Variants in BRD3 observed in about 807,000 individuals in gnomAD.
BRD3 encodes the protein bromodomain-containing protein 3.
Under a neutral mutation model 66.8 loss-of-function variants are expected in BRD3, and 17 were observed. That is an observed-to-expected ratio of 0.25 (90% CI 0.17 to 0.38). The LOEUF (loss-of-function observed/expected upper bound fraction) is 0.38. BRD3 is among the 10% of genes least tolerant of loss of function. BRD3 has a pLI of 1.00. For synonymous variants in BRD3, 421 were observed against 393.2 expected (o/e 1.07, Z -0.84); for missense variants, 713 against 956.1 (o/e 0.75, Z 3.35).
At position 134,053,378 on chromosome 9, in the gene BRD3, G is replaced by A. The variant is rs200112281; in HGVS notation, c.100C>T (p.Arg34Cys). ...PEVSNPSKPG[R>C]KTNQLQYMQN... ...ATGTACTGCAGCTGGTTGGTCTTGC[G>A]GCCGGGCTTGCTGGGGTTGGAGACC... The change falls in exon 2 of 12, where the codon CGC (arginine) becomes TGC (cysteine). Residue 34 changes from arginine (R) to cysteine (C), a missense_variant. By Grantham distance (180) the Arg-to-Cys change is radical. This residue lies in a region of BRD3 where 85 missense variants were observed against 152.4 expected (regional missense o/e 0.56). Transcript: ENST00000303407. 12 of 1,613,382 alleles carry A rather than the reference G, an allele frequency of 7.4e-6. No homozygotes were observed. The highest frequency in any genetic ancestry group is 2.2e-5 in the East Asian group (1 of 44,882).
Position 134,032,020 on chromosome 9 carries a change from T to TGGCCA in BRD3, c.*1565_*1569dup. 9.2e-6 allele frequency: 2 copies of TGGCCA among 216,696 alleles called. No homozygotes were observed. Among genetic ancestry groups the TGGCCA allele is most frequent in the Non-Finnish European group, 1.9e-5 (2 of 107,428 alleles). The allele number at this position is 216,696 out of a possible 1,614,324, so 13.4% of individuals were successfully genotyped here. A position where few individuals can be genotyped will look rare whatever the true frequency, so the allele number is the denominator to read the frequency against. On this transcript the variant is annotated 3_prime_UTR_variant, in exon 12 of 12. Transcript: ENST00000303407. ...GAGGGCAGACAGGCTCGGGAGGGCC[T>TGGCCA]GGCCAGGCCACTGGAGGCTGGCAGG...
At chr9:134,066,163 C>A (rs1469436546) in intron 1 of BRD3, among the ~76,000 whole-genome samples, 2 of 152,198 alleles carry the variant, frequency 1.3e-5, no homozygotes, top group African/African-American at 4.8e-5. Context: ...CAGGCTGGAG[C>A]TGCTCCCACA....
At chr9:134,039,882 G>A in intron 9 of BRD3, 152 bp downstream of exon 9, 2 of 1,424,668 alleles carry the variant, frequency 1.4e-6, no homozygotes, top group Non-Finnish European at 1.8e-6. Flanking sequence ...TCCCAGCACA[G>A]GTCTCATCAG....
chr9:134,034,182 C>T (rs113335813), intron 11 of BRD3, among the ~76,000 whole-genome samples: 2 of 152,236 alleles, frequency 1.3e-5, no homozygotes, highest in South Asian at 2.1e-4. Flanking sequence ...CTGTCCCCCC[C>T]ATATGTGTGT....
chr9:134,053,262 C>G lies in BRD3; in HGVS notation c.213+3G>C, dbSNP rs1446463046. The stretch of plus-strand genomic sequence containing the variant: ...GGCTCTTGGGGAGGCAGCAGCTACG[C>G]ACCGGCAGGTTCAATTTGATTGCGT... On this transcript the variant is annotated splice_donor_region_variant and intron_variant, in intron 2 of 11. Coordinates refer to ENST00000303407, the MANE Select transcript of BRD3 (RefSeq NM_007371.4). 6.2e-7 allele frequency: 1 copy of G among 1,613,114 alleles called. No homozygotes were observed. The highest frequency in any genetic ancestry group is 8.5e-7 in the Non-Finnish European group (1 of 1,180,024).
At chr9:134,067,803 C>G (rs1169750266) in intron 1 of BRD3, 142 bp downstream of exon 1, 2 of 144,204 alleles carry the variant, frequency 1.4e-5, no homozygotes, top group East Asian at 4.2e-4. Context: ...GCGGCGGCGG[C>G]GGCCCCGGGC....
At chr9:134,067,785 AGGCGGCGGC>A (rs912414081) in intron 1 of BRD3, among the ~76,000 whole-genome samples, 151 bp downstream of exon 1, 13 of 141,896 alleles carry the variant, frequency 9.2e-5, no homozygotes, top group African/African-American at 2.5e-4. Flanking sequence ...CCGCGCACAA[AGGCGGCGGC>A]GGCGGCGGCG....
At chr9:134,048,539 T>C (rs1588287070) in intron 5 of BRD3, 85 bp from the exon 6 acceptor site, 3 of 1,571,644 alleles carry the variant, frequency 1.9e-6, no homozygotes, top group Admixed American at 1.7e-5. Flanking sequence ...TGGGGCACTG[T>C]CTGCCTGCCT....
rs1830577282 is a variant in BRD3 at position 134,063,024 on chromosome 9, G to A, written c.-114+4921C>T. ...CATCTCCTCTCAGCCGGCCTGACAA[G>A]AACCAAACTCACAAAACACCCCGGC... On this transcript the variant is annotated intron_variant, in intron 1 of 11. Coordinates refer to ENST00000303407, the MANE Select transcript of BRD3 (RefSeq NM_007371.4). 2.6e-5 allele frequency among the ~76,000 whole-genome samples: 4 copies of A among 152,210 alleles called. 1 individual carries two copies. In the South Asian group the frequency reaches 8.3e-4, roughly 32 times the overall value.
chr9:134,045,981 A>G lies in BRD3; in HGVS notation c.1087-560T>C, dbSNP rs1830157029. ...ACCTAAGGGACTCCACGCTGTGTCCAGCGGCAGCTCCTGAACCCCACAGGG... is the reference window on the plus strand; with the variant it reads ...ACCTAAGGGACTCCACGCTGTGTCCGGCGGCAGCTCCTGAACCCCACAGGG... On this transcript the variant is annotated intron_variant, in intron 6 of 11. Transcript: ENST00000303407. The surrounding 1 kb of genome is among the most constrained non-coding windows in gnomAD (Gnocchi z 4.8). Among the ~76,000 whole-genome samples the G allele has an allele frequency of 2.0e-5, 3 of 152,220 alleles. No homozygotes were observed. Among genetic ancestry groups the G allele is most frequent in the Non-Finnish European group, 4.4e-5 (3 of 68,030 alleles).
chr9:134,064,023 C>T (rs938436465), intron 1 of BRD3, among the ~76,000 whole-genome samples: 2 of 152,208 alleles, frequency 1.3e-5, no homozygotes, highest in Non-Finnish European at 2.9e-5. Context: ...CTCCGAAGGC[C>T]CTGTGAGGAG....
At chr9:134,060,054 C>T (rs1354527742) in intron 1 of BRD3, among the ~76,000 whole-genome samples, 2 of 152,182 alleles carry the variant, frequency 1.3e-5, no homozygotes, top group Admixed American at 6.5e-5. Context: ...CTGGGGTCCA[C>T]CTCCCCGGGT....
At chr9:134,055,071 G>T (rs908943061) in intron 1 of BRD3, among the ~76,000 whole-genome samples, 1 of 151,968 alleles carries the variant, frequency 6.6e-6, no homozygotes, top group African/African-American at 2.4e-5. Flanking sequence ...TCACCGACCC[G>T]GTGCTCACAG....
At chr9:134,042,119 C>T (rs1465158786) in intron 7 of BRD3, among the ~76,000 whole-genome samples, 168 bp from the exon 8 acceptor site, 1 of 152,146 alleles carries the variant, frequency 6.6e-6, no homozygotes. Flanking sequence ...GTGGTTGCTT[C>T]CAGCTTGCCC....
intron 1 of BRD3, chr9:134,055,882 C>T (rs1008641563): frequency 2.0e-5 from 3 of 152,414 alleles, no homozygotes; most frequent in Non-Finnish European, 4.4e-5. Flanking sequence ...TGGGGGCCTG[C>T]TTATGCTGCC....
chr9:134,053,545 CCT>C lies in BRD3; in HGVS notation c.-70_-69del. ...AGAGGCCCTGGCTGCTTCTACGCTC[CCT>C]GAGAAAGCGCGACGTCCCATTTCCG... On this transcript the variant is annotated 5_prime_UTR_variant, in exon 2 of 12. An upstream open reading frame in the 5' UTR gains an earlier in-frame stop. Transcript: ENST00000303407. 1.4e-6 allele frequency: 2 copies of C among 1,464,202 alleles called. No individual in the cohort carries two copies. The highest frequency in any genetic ancestry group is 1.4e-5 in the African/African-American group (1 of 71,166). 90.7% of individuals were successfully genotyped at this position (1,464,202 alleles called of 1,614,324 possible).
intron 3 of BRD3, 64 bp downstream of exon 3, chr9:134,052,242 C>A: frequency 6.3e-7 from 1 of 1,584,886 alleles, no homozygotes; most frequent in Non-Finnish European, 8.6e-7. Context: ...GCGCCCAGGC[C>A]CACTGCGTTG....
rs770029661 is a variant in BRD3 at position 134,036,037 on chromosome 9, G to C, written c.1931C>G (p.Pro644Arg). The C allele has an allele frequency of 1.3e-6, 2 of 1,599,912 alleles. No individual in the cohort carries two copies. Among genetic ancestry groups the C allele is most frequent in the Non-Finnish European group, 1.7e-6 (2 of 1,171,692 alleles). Residue 644 changes from proline (P) to arginine (R), a missense_variant, in exon 10 of 12, where the codon CCG (proline) becomes CGG (arginine). Pro to Arg is a moderately radical substitution (Grantham distance 103, BLOSUM62 -2). Around this residue, in one of 5 missense-constraint regions of BRD3, gnomAD observed 418 missense variants for 609.3 expected, o/e 0.69. Coordinates refer to ENST00000303407, the MANE Select transcript of BRD3 (RefSeq NM_007371.4). ...GCTCCACGCAGGCAACTTACAGAAC[G>C]GTTTCCTTTGCTTTTTCTGTAAACA... The part of the protein sequence containing the change: ...KSCLQKKQRK[P>R]FSASGKKQAA...
chr9:134,048,134 C>T lies in BRD3; in HGVS notation c.1035G>A (p.Leu345=). 1 of 1,604,008 alleles carries T rather than the reference C, an allele frequency of 6.2e-7. No individual in the cohort carries two copies. The highest frequency in any genetic ancestry group is 1.1e-5 in the South Asian group (1 of 89,772). ...GCTTGATGATGTCGTGGTAGTCGTG[C>T]AGCTCCAGGGCCTCGGCATCCACTG... The part of the protein sequence containing the change: ...YKPVDAEALE[L]HDYHDIIKHP... The change falls in exon 6 of 12, where the codon CTG becomes CTA. Residue 345 remains leucine, a synonymous_variant. Coordinates refer to ENST00000303407, the MANE Select transcript of BRD3 (RefSeq NM_007371.4).
Sources: allele counts gnomAD v4.1 joint callset (sites outside exome capture counted in the v4.1 genomes callset), GRCh38; gene constraint gnomAD v4.1.1; regional missense constraint gnomAD v4.1.1; non-coding constraint Gnocchi (gnomAD v3.1); transcripts MANE v1.5; gene names NCBI Gene and HGNC (gene_info 2026-07-23, HGNC 2026-07-21).